MLLT3: variants seen among roughly 807,000 people sequenced by gnomAD.
MLLT3 encodes the protein MLLT3 super elongation complex subunit, also known as protein AF-9.
A neutral mutation model predicts 53.2 loss-of-function variants in MLLT3; 4 were observed. The ratio of observed to expected loss-of-function variants is 0.08; its 90% confidence interval spans 0.04 to 0.17. MLLT3 has a LOEUF of 0.17. Among genes scored for constraint, MLLT3 ranks in the 10% least tolerant of loss-of-function variants. The pLI is 1.00. For synonymous variants in MLLT3, 283 were observed against 230.6 expected, an observed-to-expected ratio of 1.23 and a Z score of -2.06; for missense variants, 569 against 684.0, an observed-to-expected ratio of 0.83 and a Z score of 1.87.
At chr9:20,519,489 T>C (rs1330478686) in intron 2 of MLLT3, among the ~76,000 whole-genome samples, 2 of 152,194 alleles carry the variant, frequency 1.3e-5, no homozygotes, top group Non-Finnish European at 2.9e-5. Flanking sequence ...ATATAGGCTT[T>C]TTTGACTATA....
rs763454632 is a variant in MLLT3 at position 20,346,584 on chromosome 9, T to C, written c.1576-10A>G. On this transcript the variant is annotated splice_polypyrimidine_tract_variant and intron_variant, in intron 10 of 10. Transcript: ENST00000380338. ...CTATAAGGTTCACGATCTAGAGGAG[T>C]GAAGAAGAGAAAGTTTGGGCAATAC... is the stretch of plus-strand genomic sequence containing the variant. 2 of 1,608,348 alleles carry C rather than the reference T, an allele frequency of 1.2e-6. No homozygotes were observed. The highest frequency in any genetic ancestry group is 1.1e-5 in the South Asian group (1 of 89,804).
At chr9:20,414,608 G>T (rs1017079892) in intron 4 of MLLT3, among the ~76,000 whole-genome samples, 183 bp from the exon 5 acceptor site, 13 of 152,132 alleles carry the variant, frequency 8.5e-5, no homozygotes, top group African/African-American at 2.9e-4. Context: ...TGAGAAACAG[G>T]TGAGAGTAGG....
intron 2 of MLLT3, among the ~76,000 whole-genome samples, chr9:20,515,336 G>T (rs1396799624): frequency 1.3e-5 from 2 of 152,182 alleles, no homozygotes; most frequent in East Asian, 1.9e-4. Context: ...GTGCTGAGGG[G>T]CCTGCCTGAA....
chr9:20,478,980 G>A (rs531167100), intron 2 of MLLT3, among the ~76,000 whole-genome samples: 3 of 152,112 alleles, frequency 2.0e-5, no homozygotes, highest in Non-Finnish European at 4.4e-5. Context: ...CAAAGAATGA[G>A]ATTGACAGGA....
At chr9:20,362,701 G>A (rs910659034) in intron 7 of MLLT3, 1 of 132,416 alleles carries the variant, frequency 7.6e-6, no homozygotes, top group Non-Finnish European at 1.5e-5. Flanking sequence ...TTTGGGTTAA[G>A]ACCGCTTTTT....
chr9:20,602,761 T>TACACACACACACAC (rs3086486), intron 2 of MLLT3, among the ~76,000 whole-genome samples: 7 of 147,184 alleles, frequency 4.8e-5, no homozygotes, highest in Non-Finnish European at 1.1e-4. Context: ...TTAAGTTTGA[T>TACACACACACACAC]ACACACACAC....
At chr9:20,571,429 A>G (rs889328554) in intron 2 of MLLT3, among the ~76,000 whole-genome samples, 1 of 152,216 alleles carries the variant, frequency 6.6e-6, no homozygotes, top group Non-Finnish European at 1.5e-5. Context: ...AACAATAAAA[A>G]AAACCTGATT....
At chr9:20,593,874 T>A (rs1820186524) in intron 2 of MLLT3, among the ~76,000 whole-genome samples, 2 of 152,192 alleles carry the variant, frequency 1.3e-5, no homozygotes, top group Admixed American at 1.3e-4. Flanking sequence ...TTAGCTTTAC[T>A]CTTGTAGAAT....
intron 2 of MLLT3, among the ~76,000 whole-genome samples, chr9:20,460,888 A>C (rs1457129419): frequency 6.6e-6 from 1 of 152,156 alleles, no homozygotes; most frequent in Non-Finnish European, 1.5e-5. Context: ...CACAGAGGAA[A>C]TTTTTCTTGA....
chr9:20,516,277 G>T lies in MLLT3; in HGVS notation c.194-59491C>A, dbSNP rs1242782581. Among the ~76,000 whole-genome samples the T allele has an allele frequency of 2.0e-5, 3 of 152,276 alleles. No individual in the cohort carries two copies. The East Asian group carries it at 5.8e-4, about 29-fold the overall frequency. On this transcript the variant is annotated intron_variant, in intron 2 of 10. Transcript: ENST00000380338. ...TCACAACCAGCACAAACGATATTGT[G>T]ACTTTTTTTTTCTAATCGCACTCCA...
At chr9:20,613,241 A>G (rs1334448843) in intron 2 of MLLT3, among the ~76,000 whole-genome samples, 2 of 152,212 alleles carry the variant, frequency 1.3e-5, no homozygotes, top group Non-Finnish European at 2.9e-5. Context: ...TTATGAATAT[A>G]CTAAAAACCA....
intron 2 of MLLT3, among the ~76,000 whole-genome samples, chr9:20,501,303 C>G (rs1394820108): frequency 6.6e-6 from 1 of 152,158 alleles, no homozygotes. Context: ...ACATACCAGG[C>G]CTTCTGCTAT....
chr9:20,347,075 C>CAAA (rs11295975), intron 10 of MLLT3, among the ~76,000 whole-genome samples: 1 of 82,992 alleles, frequency 1.2e-5, no homozygotes, highest in African/African-American at 3.7e-5. Context: ...CAGGAACTCC[C>CAAA]AAAAAAAAAA....
At chr9:20,446,785 A>G (rs1478913935) in intron 4 of MLLT3, among the ~76,000 whole-genome samples, 11 of 152,188 alleles carry the variant, frequency 7.2e-5, no homozygotes, top group Admixed American at 7.2e-4. Flanking sequence ...TTTCCAAACA[A>G]CTTCTTTAAT....
At chr9:20,511,578 G>A (rs1817750009) in intron 2 of MLLT3, among the ~76,000 whole-genome samples, 1 of 152,192 alleles carries the variant, frequency 6.6e-6, no homozygotes, top group Non-Finnish European at 1.5e-5. Context: ...CATACATTGG[G>A]AGGCTGAGGC....
intron 4 of MLLT3, among the ~76,000 whole-genome samples, chr9:20,417,404 A>G (rs1822898542): frequency 6.7e-6 from 1 of 148,222 alleles, no homozygotes; most frequent in Non-Finnish European, 1.5e-5. Flanking sequence ...TGATATATAT[A>G]TATAATATAC....
intron 2 of MLLT3, among the ~76,000 whole-genome samples, chr9:20,470,026 A>C (rs993039994): frequency 6.6e-6 from 1 of 152,054 alleles, no homozygotes; most frequent in African/African-American, 2.4e-5. Context: ...AGTCTAATTT[A>C]TTTATATAAA....
chr9:20,430,727 G>C (rs980993642), intron 4 of MLLT3, among the ~76,000 whole-genome samples: 1 of 151,876 alleles, frequency 6.6e-6, no homozygotes, highest in African/African-American at 2.4e-5. Context: ...ACATTAAAAA[G>C]AACTAACTAT....
chr9:20,600,389 A>G (rs762604974), intron 2 of MLLT3, among the ~76,000 whole-genome samples: 12 of 152,192 alleles, frequency 7.9e-5, no homozygotes, highest in Non-Finnish European at 1.8e-4. Flanking sequence ...ATGGTGCTCA[A>G]TGTTGGCTGA....
Sources: gnomAD v4.1 joint callset for allele counts (sites outside exome capture counted in the v4.1 genomes callset) on GRCh38, gnomAD v4.1.1 for gene constraint, MANE v1.5 for transcripts, NCBI Gene and HGNC (gene_info 2026-07-23, HGNC 2026-07-21) for gene names.